WDR59: variants seen among roughly 807,000 people sequenced by gnomAD.
WDR59 encodes GATOR2 complex protein WDR59.
In WDR59, 100 loss-of-function variants were observed where a neutral mutation model predicts 131.2. The ratio of observed to expected loss-of-function variants is 0.76; its 90% CI spans 0.65 to 0.90. WDR59 has a LOEUF of 0.90. Among genes scored for constraint, WDR59 ranks in the 40% least tolerant of loss-of-function variants. The pLI, the probability that WDR59 is intolerant of heterozygous loss-of-function variation, is 0.00. For synonymous variants in WDR59, 601 were observed against 466.2 expected (o/e 1.29, Z -3.72); for missense variants, 1,203 against 1,262.2 (o/e 0.95, Z 0.71).
Position 74,908,721 on chromosome 16 carries a change from A to G in WDR59, c.1712+187T>C. ...CTCTTCTAATGGTTTGGTAATAACCATACAGCAGAAATCACAGCTTTTTTG... is the reference window on the plus strand; with the variant it reads ...CTCTTCTAATGGTTTGGTAATAACCGTACAGCAGAAATCACAGCTTTTTTG... On this transcript the variant is annotated intron_variant, in intron 17 of 25. Transcript: ENST00000262144. 1.3e-5 allele frequency: 7 copies of G among 557,474 alleles called. No individual in the cohort carries two copies. In the Admixed American group the frequency reaches 2.0e-4, roughly 16 times the overall value. The allele number at this position is 557,474 out of a possible 1,614,324, so 34.5% of individuals were successfully genotyped here. A position where few individuals can be genotyped will look rare whatever the true frequency, so the allele number is the denominator to read the frequency against.
chr16:74,949,575 A>G, intron 5 of WDR59, 143 bp downstream of exon 5: 1 of 665,968 alleles, frequency 1.5e-6, no homozygotes, highest in Non-Finnish European at 2.6e-6. Flanking sequence ...TCACTCTCAA[A>G]TAATATATTT....
intron 25 of WDR59, among the ~76,000 whole-genome samples, 156 bp from the exon 26 acceptor site, chr16:74,874,600 A>C (rs1239443727): frequency 2.6e-5 from 4 of 151,450 alleles, no homozygotes; most frequent in Non-Finnish European, 5.9e-5. Context: ...TTTTATTTTT[A>C]TTTTTTCTTT....
intron 25 of WDR59, among the ~76,000 whole-genome samples, chr16:74,885,213 G>A (rs1006029579): frequency 6.6e-6 from 1 of 152,124 alleles, no homozygotes; most frequent in Non-Finnish European, 1.5e-5. Flanking sequence ...AGCACTTTGG[G>A]AGGCCGAGGC....
Position 74,938,283 on chromosome 16 carries a change from C to G in WDR59, c.535-17G>C. The G allele has an allele frequency of 6.9e-7, 1 of 1,445,838 alleles. No homozygotes were observed. The highest frequency in any genetic ancestry group is 9.2e-7 in the Non-Finnish European group (1 of 1,083,950). The allele number at this position is 1,445,838 out of a possible 1,614,324, so 89.6% of individuals were successfully genotyped here. A position where few individuals can be genotyped will look rare whatever the true frequency, so the allele number is the denominator to read the frequency against. ...ACTGGGTTTCTGCAACAGATCAGCACCTAATATTATCGATTTAGAAAGAAC... is the reference window on the plus strand; with the variant it reads ...ACTGGGTTTCTGCAACAGATCAGCAGCTAATATTATCGATTTAGAAAGAAC... On this transcript the variant is annotated splice_polypyrimidine_tract_variant and intron_variant, in intron 7 of 25. Coordinates refer to ENST00000262144, the MANE Select transcript of WDR59 (RefSeq NM_030581.4).
chr16:74,942,747 C>T lies in WDR59; in HGVS notation c.525G>A (p.Trp175Ter). 1 of 1,613,952 alleles carries T rather than the reference C, an allele frequency of 6.2e-7. No individual in the cohort carries two copies. The highest frequency in any genetic ancestry group is 8.5e-7 in the Non-Finnish European group (1 of 1,179,910). ...AAAAGAGATTACTCACCCTCTTATCCCATATCCGCACATCGCCGTCATGGC... is the reference window on the plus strand; with the variant it reads ...AAAAGAGATTACTCACCCTCTTATCTCATATCCGCACATCGCCGTCATGGC... ...ATSHDGDVRI[W>*]DKRKPSTAVE... The change falls in exon 7 of 26, where the codon TGG becomes TGA. Residue 175 changes from tryptophan to a stop codon, truncating the protein, a stop_gained. Transcript: ENST00000262144. LOFTEE classifies it high-confidence loss of function.
At chr16:74,941,770 A>G (rs2032250365) in intron 7 of WDR59, among the ~76,000 whole-genome samples, 1 of 152,056 alleles carries the variant, frequency 6.6e-6, no homozygotes, top group Admixed American at 6.6e-5. Flanking sequence ...TCTAAGGCAG[A>G]GGGCTTCTGC....
intron 11 of WDR59, among the ~76,000 whole-genome samples, chr16:74,917,591 T>C (rs1244908568): frequency 3.3e-5 from 5 of 152,102 alleles, no homozygotes; most frequent in Middle Eastern, 3.4e-3. Context: ...GGTGGATCAC[T>C]TGAGGTCAGG....
At chr16:74,906,902 G>C (rs1050668595) in intron 17 of WDR59, among the ~76,000 whole-genome samples, 5 of 152,174 alleles carry the variant, frequency 3.3e-5, no homozygotes, top group African/African-American at 1.2e-4. Context: ...CTTGATATGA[G>C]TGTTGGTCAC....
At chr16:74,921,457 C>T (rs898045335) in intron 10 of WDR59, among the ~76,000 whole-genome samples, 6 of 152,172 alleles carry the variant, frequency 3.9e-5, no homozygotes, top group Admixed American at 2.6e-4. Context: ...ACCGGTCAAC[C>T]CCTCCCCACT....
At chr16:74,949,646 G>T in intron 5 of WDR59, 72 bp downstream of exon 5, 1 of 1,385,910 alleles carries the variant, frequency 7.2e-7, no homozygotes, top group South Asian at 1.2e-5. Flanking sequence ...ACCAAACTAA[G>T]ACACTTGATC....
At chr16:74,908,578 T>C (rs762481318) in intron 17 of WDR59, among the ~76,000 whole-genome samples, 57 of 152,198 alleles carry the variant, frequency 3.7e-4, no homozygotes, top group Non-Finnish European at 7.5e-4. Context: ...TATTTAATGT[T>C]AGTTAAATTG....
intron 2 of WDR59, among the ~76,000 whole-genome samples, chr16:74,960,212 TC>T (rs901379318): frequency 6.6e-6 from 1 of 151,908 alleles, no homozygotes; most frequent in Non-Finnish European, 1.5e-5. Context: ...GAGCCTGTAA[TC>T]CCAGTTACTT....
chr16:74,952,797 G>A (rs1302548428), intron 3 of WDR59, among the ~76,000 whole-genome samples: 1 of 151,516 alleles, frequency 6.6e-6, no homozygotes, highest in African/African-American at 2.4e-5. Context: ...ACATTAGACT[G>A]ATTGTCATTT....
At chr16:74,894,037 A>C in intron 18 of WDR59, 1 of 458,694 alleles carries the variant, frequency 2.2e-6, no homozygotes, top group East Asian at 3.3e-5. Flanking sequence ...TACATTCTGC[A>C]GGTGCTCAAA....
chr16:74,937,541 G>A (rs375703470), intron 8 of WDR59, among the ~76,000 whole-genome samples: 9 of 152,028 alleles, frequency 5.9e-5, no homozygotes, highest in African/African-American at 1.7e-4. Context: ...TCGCTCGGTC[G>A]CCCAGGTTGG....
chr16:74,910,062 T>C (rs765296122), intron 14 of WDR59, 145 bp from the exon 15 acceptor site: 1 of 647,166 alleles, frequency 1.5e-6, no homozygotes, highest in Non-Finnish European at 2.5e-6. Flanking sequence ...CTGCCTCCCG[T>C]CTTCAAGTGA....
chr16:74,912,026 T>C lies in WDR59; in HGVS notation c.1389+172A>G, dbSNP rs542602411. On this transcript the variant is annotated intron_variant, in intron 14 of 25. Coordinates refer to ENST00000262144, the MANE Select transcript of WDR59 (RefSeq NM_030581.4). ...AAAAGGTTAAGAACCACTGCTCTGA[T>C]GTTTTCTGCACAAAGTAAATGGCAA... 1.1e-5 allele frequency: 9 copies of C among 828,356 alleles called. No homozygotes were observed. The South Asian group carries it at 1.7e-4, about 16-fold the overall frequency. The allele number at this position is 828,356 out of a possible 1,614,324, so 51.3% of individuals were successfully genotyped here.
intron 18 of WDR59, among the ~76,000 whole-genome samples, chr16:74,901,704 G>T (rs865994717): frequency 2.7e-5 from 4 of 150,614 alleles, no homozygotes; most frequent in Non-Finnish European, 4.4e-5. Flanking sequence ...AAATTTAGTA[G>T]ACTGGAATCA....
intron 7 of WDR59, among the ~76,000 whole-genome samples, chr16:74,941,530 T>C (rs1338298007): frequency 6.6e-6 from 1 of 151,090 alleles, no homozygotes; most frequent in Non-Finnish European, 1.5e-5. Context: ...CCATCTCTAC[T>C]AAAAAATACA....
Sources: gnomAD v4.1 joint callset for allele counts (sites outside exome capture counted in the v4.1 genomes callset) on GRCh38, gnomAD v4.1.1 for gene constraint, MANE v1.5 for transcripts, NCBI Gene and HGNC (gene_info 2026-07-23, HGNC 2026-07-21) for gene names.